Variants in PTPRD observed in about 807,000 individuals in gnomAD.
The protein encoded by PTPRD is receptor-type tyrosine-protein phosphatase delta.
PTPRD carries 34 observed loss-of-function variants against 214.5 expected under a neutral mutation model. That is an observed-to-expected ratio of 0.16 (90% CI 0.12 to 0.21). PTPRD has a LOEUF of 0.21. PTPRD is among the 10% of genes least tolerant of loss of function. The pLI, the probability that PTPRD is intolerant of heterozygous loss-of-function variation, is 1.00. For missense variants in PTPRD, 2,545 were observed against 2,398.7 expected (o/e 1.06, Z -1.27); for synonymous variants, 1,128 against 845.7 (o/e 1.33, Z -5.79).
intron 2 of PTPRD, among the ~76,000 whole-genome samples, chr9:10,425,803 C>T (rs1309129193): frequency 6.6e-6 from 1 of 151,890 alleles, no homozygotes; most frequent in East Asian, 1.9e-4. Context: ...AAACTAATAG[C>T]AGGCTGACTC....
At position 8,316,649 on chromosome 9, in the gene PTPRD, G is replaced by C; in HGVS notation, c.*1225C>G. ...TAATTTTTATTGCACTAGAGTGTTAGAAATATTGAACTTTGTTGGAAGCCT... is the reference window on the plus strand; with the variant it reads ...TAATTTTTATTGCACTAGAGTGTTACAAATATTGAACTTTGTTGGAAGCCT... On this transcript the variant is annotated 3_prime_UTR_variant, in exon 46 of 46. Coordinates refer to ENST00000381196, the MANE Select transcript of PTPRD (RefSeq NM_002839.4). The C allele has an allele frequency of 4.3e-6, 1 of 230,812 alleles. No homozygotes were observed. The allele number at this position is 230,812 out of a possible 1,614,324, so 14.3% of individuals were successfully genotyped here.
chr9:10,196,028 G>A (rs2099396669), intron 3 of PTPRD, among the ~76,000 whole-genome samples: 1 of 152,058 alleles, frequency 6.6e-6, no homozygotes, highest in African/African-American at 2.4e-5. Flanking sequence ...CTATAGAAAG[G>A]CAAGAAAGAA....
chr9:10,373,551 T>C (rs2097671629), intron 2 of PTPRD, among the ~76,000 whole-genome samples: 1 of 152,138 alleles, frequency 6.6e-6, no homozygotes, highest in Admixed American at 6.6e-5. Flanking sequence ...GATCATTAGT[T>C]AAGCTAATGC....
chr9:9,553,456 A>G (rs1302543053), intron 8 of PTPRD, among the ~76,000 whole-genome samples: 1 of 152,082 alleles, frequency 6.6e-6, no homozygotes, highest in African/African-American at 2.4e-5. Context: ...AGATGAGGAT[A>G]CTGAAACTCA....
chr9:9,589,256 G>C (rs904219181), intron 7 of PTPRD, among the ~76,000 whole-genome samples: 1 of 151,670 alleles, frequency 6.6e-6, no homozygotes. Context: ...GACAAAATCA[G>C]TAAAATCCTC....
intron 4 of PTPRD, among the ~76,000 whole-genome samples, chr9:9,946,492 G>T (rs1010104930): frequency 6.6e-6 from 1 of 152,152 alleles, no homozygotes; most frequent in East Asian, 1.9e-4. Context: ...AGAGTGCAGG[G>T]TTCAATAGCT....
intron 31 of PTPRD, among the ~76,000 whole-genome samples, chr9:8,469,506 A>G (rs1365441090): frequency 6.6e-6 from 1 of 152,104 alleles, no homozygotes; most frequent in Non-Finnish European, 1.5e-5. Context: ...CAATTAAAAT[A>G]GTAAAGAATA....
chr9:9,968,089 G>C (rs1490050634), intron 4 of PTPRD, among the ~76,000 whole-genome samples: 3 of 152,014 alleles, frequency 2.0e-5, no homozygotes, highest in Non-Finnish European at 2.9e-5. Context: ...AAAGATTTTG[G>C]ACTAGGTAAA....
At chr9:10,070,624 C>T (rs868098133) in intron 3 of PTPRD, among the ~76,000 whole-genome samples, 2 of 151,934 alleles carry the variant, frequency 1.3e-5, no homozygotes, top group African/African-American at 2.4e-5. Context: ...CTATATACTT[C>T]TTTGATTACA....
intron 5 of PTPRD, among the ~76,000 whole-genome samples, chr9:9,861,638 A>G (rs1194145934): frequency 6.6e-6 from 1 of 152,206 alleles, no homozygotes; most frequent in Non-Finnish European, 1.5e-5. Context: ...TTAGATGTTA[A>G]CTATTGATAT....
At chr9:8,808,973 C>CA (rs1003959008) in intron 11 of PTPRD, among the ~76,000 whole-genome samples, 29 of 149,948 alleles carry the variant, frequency 1.9e-4, no homozygotes, top group Middle Eastern at 3.4e-3. Context: ...AGTGCTTAAG[C>CA]AAAAAAAAAG....
intron 7 of PTPRD, among the ~76,000 whole-genome samples, chr9:9,641,715 G>A (rs894468254): frequency 7.2e-5 from 11 of 152,210 alleles, no homozygotes; most frequent in African/African-American, 2.6e-4. Flanking sequence ...GATCCATTTA[G>A]GATTAAACAA....
chr9:9,238,130 T>C (rs1056674790), intron 9 of PTPRD, among the ~76,000 whole-genome samples: 3 of 152,054 alleles, frequency 2.0e-5, no homozygotes, highest in Admixed American at 2.0e-4. Context: ...TAAAACCTCT[T>C]GAGGAATCCA....
intron 12 of PTPRD, among the ~76,000 whole-genome samples, chr9:8,679,570 T>A (rs146148726): frequency 6.6e-6 from 1 of 152,346 alleles, no homozygotes; most frequent in African/African-American, 2.4e-5. Context: ...GCTTTCAAAT[T>A]GCTAAATTAT....
At chr9:8,487,012 C>A (rs1218869319) in intron 27 of PTPRD, among the ~76,000 whole-genome samples, 2 of 152,062 alleles carry the variant, frequency 1.3e-5, no homozygotes, top group Non-Finnish European at 2.9e-5. Context: ...AACCAAACTA[C>A]AAAATAATAT....
chr9:10,384,704 G>A (rs1165810665), intron 2 of PTPRD, among the ~76,000 whole-genome samples: 1 of 150,136 alleles, frequency 6.7e-6, no homozygotes, highest in Non-Finnish European at 1.5e-5. Context: ...TTTAAAAGCA[G>A]AAACCCTGTA....
intron 9 of PTPRD, among the ~76,000 whole-genome samples, chr9:9,326,030 C>G (rs1328126305): frequency 6.6e-6 from 1 of 151,868 alleles, no homozygotes; most frequent in Non-Finnish European, 1.5e-5. Flanking sequence ...GCCTTGCATC[C>G]CAGGGATGAA....
chr9:9,607,022 A>G lies in PTPRD; in HGVS notation c.-286-32241T>C, dbSNP rs564973642. Among the ~76,000 whole-genome samples, 16 of 137,966 alleles carry G rather than the reference A, an allele frequency of 1.2e-4. No homozygotes were observed. In the East Asian group the frequency reaches 3.7e-3, roughly 32 times the overall value. The allele number at this position is 137,966 out of a possible 152,430, so 90.5% of individuals were successfully genotyped here. On this transcript the variant is annotated intron_variant, in intron 7 of 45. Transcript: ENST00000381196. ...AAAAAAAAAGTGTTTCTGCCATGTC[A>G]CCGACCAGCATAATTCAGAGGAATT...
At chr9:10,106,697 T>C (rs1227330587) in intron 3 of PTPRD, among the ~76,000 whole-genome samples, 1 of 151,770 alleles carries the variant, frequency 6.6e-6, no homozygotes, top group African/African-American at 2.4e-5. Flanking sequence ...GAAAAAAAAA[T>C]TGACCATTTG....
Sources: gnomAD v4.1 joint callset for allele counts (sites outside exome capture counted in the v4.1 genomes callset) on GRCh38, gnomAD v4.1.1 for gene constraint, MANE v1.5 for transcripts, NCBI Gene and HGNC (gene_info 2026-07-23, HGNC 2026-07-21) for gene names.